The following ADA variants were observed in gnomAD, a reference collection of about 807,000 sequenced individuals.
The protein encoded by ADA is adenosine deaminase.
In ADA, 45 loss-of-function variants were observed where a neutral mutation model predicts 49.0. The observed-to-expected ratio is 0.92, with a 90% CI of 0.72 to 1.18. The LOEUF is 1.18. Among genes scored for constraint, ADA ranks in the 50% most tolerant of loss-of-function variants. The pLI, the probability that ADA is intolerant of heterozygous loss-of-function variation, is 0.00. For synonymous variants in ADA, 173 were observed against 184.2 expected (o/e 0.94, Z 0.49); for missense variants, 445 against 472.5 (o/e 0.94, Z 0.54).
chr20:44,638,431 GC>G (rs1011247180), intron 1 of ADA, among the ~76,000 whole-genome samples: 46 of 152,142 alleles, frequency 3.0e-4, no homozygotes, highest in African/African-American at 1.0e-3. Context: ...CAAAAAATTA[GC>G]CAGGCGTGGT....
rs529330751 is a variant in ADA at position 44,638,469 on chromosome 20, T to C, written c.34-2181A>G. On this transcript the variant is annotated intron_variant, in intron 1 of 11. Transcript: ENST00000372874. ...GCGCACACCTGTAATCCCAGCTACT[T>C]GGGAGGCTGAGACAGGAGAATCACC... Among the ~76,000 whole-genome samples, 32 of 152,076 alleles carry C rather than the reference T, an allele frequency of 2.1e-4. No individual in the cohort carries two copies. The East Asian group carries it at 6.0e-3, about 29-fold the overall frequency.
intron 1 of ADA, among the ~76,000 whole-genome samples, chr20:44,646,108 C>T (rs1172539261): frequency 6.6e-6 from 1 of 152,178 alleles, no homozygotes; most frequent in Non-Finnish European, 1.5e-5. Flanking sequence ...CTTCAAGACA[C>T]CTGAGCAGGT....
intron 1 of ADA, among the ~76,000 whole-genome samples, chr20:44,645,985 G>T (rs565544828): frequency 9.2e-5 from 14 of 152,142 alleles, no homozygotes; most frequent in African/African-American, 3.1e-4. Context: ...CAACACCTTG[G>T]GTAAATACAG....
At chr20:44,639,675 A>G (rs1250980701) in intron 1 of ADA, among the ~76,000 whole-genome samples, 1 of 152,084 alleles carries the variant, frequency 6.6e-6, no homozygotes, top group Non-Finnish European at 1.5e-5. Flanking sequence ...GGCCTCCCAA[A>G]GTGCTGGGGT....
Position 44,623,025 on chromosome 20 carries a change from C to G in ADA, c.660G>C (p.Ser220=), listed in dbSNP as rs147038410. The change falls in exon 7 of 12, where the codon TCG becomes TCC. Residue 220 remains serine, a synonymous_variant. Coordinates refer to ENST00000372874, the MANE Select transcript of ADA (RefSeq NM_000022.4). ...HRTVHAGEVG[S]AEVVKEAVDI... ...CCCTCACCTCTTTTACTACTTCGGC[C>G]GAGCCCACCTCCCCGGCGTGGACAG... is the stretch of plus-strand genomic sequence containing the variant. 18 of 1,614,060 alleles carry G rather than the reference C, an allele frequency of 1.1e-5. No homozygotes were observed. The South Asian group carries it at 1.9e-4, about 17-fold the overall frequency.
chr20:44,643,050 G>T (rs780100513), intron 1 of ADA, among the ~76,000 whole-genome samples: 17 of 152,102 alleles, frequency 1.1e-4, no homozygotes, highest in Non-Finnish European at 2.1e-4. Context: ...GCTCAGGCAG[G>T]CCTCCTACTG....
At chr20:44,621,859 G>T (rs2065335444) in intron 9 of ADA, among the ~76,000 whole-genome samples, 1 of 152,026 alleles carries the variant, frequency 6.6e-6, no homozygotes, top group Non-Finnish European at 1.5e-5. Context: ...TCTTTTTCCA[G>T]CCCATGGTAT....
intron 2 of ADA, among the ~76,000 whole-genome samples, chr20:44,629,718 A>G (rs887850103): frequency 6.6e-6 from 1 of 152,006 alleles, no homozygotes; most frequent in South Asian, 2.1e-4. Flanking sequence ...GGCTCAGGGG[A>G]GGGGCCCAGT....
chr20:44,626,419 C>T, intron 4 of ADA, 37 bp downstream of exon 4: 2 of 1,612,898 alleles, frequency 1.2e-6, no homozygotes, highest in Non-Finnish European at 1.7e-6. Context: ...CTCCCAGCCA[C>T]ACCCTCAGCA....
At chr20:44,643,501 G>A (rs1489941912) in intron 1 of ADA, among the ~76,000 whole-genome samples, 2 of 152,100 alleles carry the variant, frequency 1.3e-5, no homozygotes, top group Non-Finnish European at 1.5e-5. Context: ...TGTACATATC[G>A]GCCCATGTTA....
At position 44,651,664 on chromosome 20, in the gene ADA, C is replaced by A; in HGVS notation, c.-57G>T. 1 of 1,462,024 alleles carries A rather than the reference C, an allele frequency of 6.8e-7. No homozygotes were observed. The allele number at this position is 1,462,024 out of a possible 1,614,324, so 90.6% of individuals were successfully genotyped here. On this transcript the variant is annotated 5_prime_UTR_variant, in exon 1 of 12. Transcript: ENST00000372874. ...CCGCCGCCGCTCGGTGGGTCTCTGC[C>A]GGCTCGGTGGCCGCTCGGCTTTCCC...
At chr20:44,636,043 C>T (rs777142607) in intron 2 of ADA, 184 bp downstream of exon 2, 28 of 633,816 alleles carry the variant, frequency 4.4e-5, no homozygotes, top group Admixed American at 3.8e-4. Flanking sequence ...AGTTGGTCTG[C>T]GGGTCTCCAG....
At chr20:44,641,700 G>A (rs1436585483) in intron 1 of ADA, among the ~76,000 whole-genome samples, 2 of 152,084 alleles carry the variant, frequency 1.3e-5, no homozygotes, top group Non-Finnish European at 2.9e-5. Context: ...CTTGTGGGTG[G>A]GACTGGTGGG....
chr20:44,631,115 TTC>T (rs1385587873), intron 2 of ADA, among the ~76,000 whole-genome samples: 1 of 152,220 alleles, frequency 6.6e-6, no homozygotes, highest in Non-Finnish European at 1.5e-5. Flanking sequence ...CTTTAATAGC[TTC>T]TGTTACTAAA....
At chr20:44,637,654 T>A (rs781390970) in intron 1 of ADA, among the ~76,000 whole-genome samples, 3 of 152,072 alleles carry the variant, frequency 2.0e-5, no homozygotes, top group Non-Finnish European at 4.4e-5. Context: ...CCCAAGGGCG[T>A]CTAGGAGCAC....
intron 4 of ADA, 120 bp downstream of exon 4, chr20:44,626,336 C>CA: frequency 7.0e-7 from 1 of 1,430,108 alleles, no homozygotes; most frequent in Non-Finnish European, 9.7e-7. Context: ...ATGGACCAGA[C>CA]TGGGGGCAAG....
intron 2 of ADA, among the ~76,000 whole-genome samples, chr20:44,634,481 C>T (rs1252000649): frequency 6.6e-6 from 1 of 152,256 alleles, no homozygotes; most frequent in Non-Finnish European, 1.5e-5. Flanking sequence ...AACCTCCGCC[C>T]TGTGCTTACT....
chr20:44,641,313 C>A (rs1437529804), intron 1 of ADA, among the ~76,000 whole-genome samples: 1 of 152,064 alleles, frequency 6.6e-6, no homozygotes, highest in African/African-American at 2.4e-5. Flanking sequence ...GATTGGGAAC[C>A]ACTGCCGTAG....
chr20:44,623,002 C>G lies in ADA; in HGVS notation c.678+5G>C, dbSNP rs763478578. 10 of 1,614,090 alleles carry G rather than the reference C, an allele frequency of 6.2e-6. No individual in the cohort carries two copies. Among genetic ancestry groups the G allele is most frequent in the Non-Finnish European group, 7.6e-6 (9 of 1,180,040 alleles). On this transcript the variant is annotated splice_donor_5th_base_variant and intron_variant, in intron 7 of 11. Transcript: ENST00000372874. ...AGGGACCCCATGGCCAGCCCAGGCCCTCACCTCTTTTACTACTTCGGCCGA... is the reference window on the plus strand; with the variant it reads ...AGGGACCCCATGGCCAGCCCAGGCCGTCACCTCTTTTACTACTTCGGCCGA...
Sources: allele counts gnomAD v4.1 joint callset (sites outside exome capture counted in the v4.1 genomes callset), GRCh38; gene constraint gnomAD v4.1.1; transcripts MANE v1.5; gene names NCBI Gene and HGNC (gene_info 2026-07-23, HGNC 2026-07-21).